The following PSG11 variants were observed in gnomAD, a reference collection of about 807,000 sequenced individuals.
PSG11 encodes the protein pregnancy specific beta-1-glycoprotein 11, also known as pregnancy-specific beta-1-glycoprotein 11.
A neutral mutation model predicts 36.0 loss-of-function variants in PSG11; 42 were observed. The observed-to-expected ratio is 1.17, with a 90% CI of 0.91 to 1.51. The LOEUF is 1.51. Ranked by LOEUF, PSG11 falls within the 40% of genes most tolerant of loss-of-function variation. The pLI is 0.00. For synonymous variants in PSG11, 206 were observed against 153.5 expected (o/e 1.34, Z -2.53); for missense variants, 558 against 403.5 (o/e 1.38, Z -3.28).
Position 43,018,957 on chromosome 19 carries a change from C to G in PSG11, c.522G>C (p.Pro174=), listed in dbSNP as rs143079058. 6.2e-7 allele frequency: 1 copy of G among 1,612,100 alleles called. No individual in the cohort carries two copies. The highest frequency in any genetic ancestry group is 1.3e-5 in the African/African-American group (1 of 74,512). ...TCATCCACCACAGGTAGCTTGCGTC[C>G]GGAGTCTCAGGATTACAGGTTAAGA... ...TVILTCNPET[P]DASYLWWMNG... Residue 174 remains proline (P), a synonymous_variant, in exon 3 of 6, where the codon CCG becomes CCC. Transcript: ENST00000320078.
At chr19:43,013,261 G>A (rs899958009) in intron 4 of PSG11, among the ~76,000 whole-genome samples, 5 of 151,126 alleles carry the variant, frequency 3.3e-5, no homozygotes, top group South Asian at 2.1e-4. Context: ...TCAATAAATC[G>A]GACTTCACAA....
chr19:43,019,134 AC>A lies in PSG11; in HGVS notation c.431-87del, dbSNP rs1170413561. 1.9e-6 allele frequency: 3 copies of A among 1,554,166 alleles called. No individual in the cohort carries two copies. In the African/African-American group the frequency reaches 4.1e-5, roughly 21 times the overall value. On this transcript the variant is annotated intron_variant, in intron 2 of 5. Transcript: ENST00000320078. ...TTTTCAATCAGAATTGGCATTTGCC[AC>A]CTCTCAGCCCACCCGAGTCCCTAAA...
intron 3 of PSG11, chr19:43,016,085 C>G (rs1190222235): frequency 6.4e-7 from 1 of 1,574,750 alleles, no homozygotes; most frequent in East Asian, 2.2e-5. Context: ...TGTGTGGCAC[C>G]TTTGATTCCT....
In PSG11 at chr19:43,013,715, G is replaced by T. The variant is rs544253382; in HGVS notation, c.964+1401C>A. On this transcript the variant is annotated intron_variant, in intron 4 of 5. Transcript: ENST00000320078. Reference sequence around the variant, plus strand: ...CAGCCACTGTAAAAATTGGTGTGCTGTTTCTCAAAAAATTAAACAATGAAT... The same window carrying T: ...CAGCCACTGTAAAAATTGGTGTGCTTTTTCTCAAAAAATTAAACAATGAAT... 2.0e-5 allele frequency among the ~76,000 whole-genome samples: 3 copies of T among 151,494 alleles called. 1 individual carries two copies. The highest frequency in any genetic ancestry group is 1.3e-4 in the Admixed American group (2 of 15,166).
chr19:43,024,283 T>A (rs1967180383), intron 2 of PSG11, among the ~76,000 whole-genome samples: 1 of 151,176 alleles, frequency 6.6e-6, no homozygotes, highest in South Asian at 2.1e-4. Flanking sequence ...GGAACAAGGA[T>A]TTAGGTACAG....
At position 43,024,742 on chromosome 19, in the gene PSG11, G is replaced by T; in HGVS notation, c.379C>A (p.Arg127=). The T allele has an allele frequency of 1.9e-6, 3 of 1,611,666 alleles. No individual in the cohort carries two copies. Among genetic ancestry groups the T allele is most frequent in the Non-Finnish European group, 2.5e-6 (3 of 1,178,926 alleles). The change falls in exon 2 of 6, where the codon CGA becomes AGA. Residue 127 remains arginine (R), a synonymous_variant. Transcript: ENST00000320078. ...GTTACTCCTCTAGTCCCATCACCTC[G>T]CTTTATGATGTGTAAGGTGTAGGAT... The part of the protein sequence containing the change: ...AGSYTLHIIK[R]GDGTRGVTGY...
At chr19:43,016,145 C>T in intron 3 of PSG11, 1 of 1,495,170 alleles carries the variant, frequency 6.7e-7, no homozygotes, top group South Asian at 1.3e-5. Context: ...CTCAGCCCAC[C>T]CGAGTCCTTG....
intron 2 of PSG11, among the ~76,000 whole-genome samples, chr19:43,020,524 A>G (rs2122819053): frequency 6.6e-6 from 1 of 151,558 alleles, no homozygotes; most frequent in Middle Eastern, 3.4e-3. Context: ...GAAACATTAA[A>G]ATGTTTTCAT....
At chr19:43,013,416 A>G (rs1013620469) in intron 4 of PSG11, among the ~76,000 whole-genome samples, 2 of 151,486 alleles carry the variant, frequency 1.3e-5, no homozygotes, top group Non-Finnish European at 2.9e-5. Flanking sequence ...ACAACAGCAG[A>G]CATCCAAAAA....
At chr19:43,008,083 T>C (rs1211008652) in intron 5 of PSG11, 41 bp from the exon 6 acceptor site, 1 of 346,670 alleles carries the variant, frequency 2.9e-6, no homozygotes, top group Non-Finnish European at 5.5e-6. Flanking sequence ...TGATTTTAAA[T>C]ACTTTGAGGA....
intron 4 of PSG11, among the ~76,000 whole-genome samples, chr19:43,012,499 A>C (rs527966388): frequency 6.6e-6 from 1 of 151,442 alleles, no homozygotes; most frequent in Non-Finnish European, 1.5e-5. Context: ...TACACTAACC[A>C]TGAACAATCT....
intron 4 of PSG11, chr19:43,014,709 T>G (rs1171044068): frequency 1.7e-6 from 2 of 1,206,422 alleles, no homozygotes; most frequent in Non-Finnish European, 2.1e-6. Flanking sequence ...GGGAAAAGTG[T>G]GAGCTTGTTT....
chr19:43,012,802 A>C lies in PSG11; in HGVS notation c.964+2314T>G, dbSNP rs368063497. On this transcript the variant is annotated intron_variant, in intron 4 of 5. Transcript: ENST00000320078. Reference sequence around the variant, plus strand: ...AAAATCTGTCCTAAAATTTATATTGAATCTCATGACTCTAAATAGACACAC... The same window carrying C: ...AAAATCTGTCCTAAAATTTATATTGCATCTCATGACTCTAAATAGACACAC... Among the ~76,000 whole-genome samples, 162 of 151,510 alleles carry C rather than the reference A, an allele frequency of 1.1e-3. 4 individuals are homozygous for C. The highest frequency in any genetic ancestry group is 3.6e-3 in the African/African-American group (149 of 41,158).
chr19:43,010,333 G>T, intron 4 of PSG11: 3 of 1,515,218 alleles, frequency 2.0e-6, no homozygotes, highest in South Asian at 1.3e-5. Context: ...ATTGGAACTT[G>T]TCACCTTTGC....
intron 3 of PSG11, 77 bp downstream of exon 3, chr19:43,018,693 G>C: frequency 3.7e-6 from 6 of 1,609,954 alleles, no homozygotes; most frequent in Non-Finnish European, 5.1e-6. Context: ...GGACCTGAGA[G>C]GGACTGAGAG....
In PSG11 at chr19:43,019,006, G is replaced by C; in HGVS notation, c.473C>G (p.Pro158Arg). Residue 158 changes from proline to arginine, a missense_variant, in exon 3 of 6, where the codon CCC becomes CGC. Pro to Arg is a moderately radical substitution (Grantham distance 103). Transcript: ENST00000320078. The stretch of plus-strand genomic sequence containing the variant: ...GATCACAGTCTCCATGGCCTCCCTG[G>C]GGTTTAAGTTGCTGCTGGAGATGGA... ...KPSISSSNLN[P>R]REAMETVILT... 6.2e-7 allele frequency: 1 copy of C among 1,611,978 alleles called. No homozygotes were observed. Among genetic ancestry groups the C allele is most frequent in the Non-Finnish European group, 8.5e-7 (1 of 1,179,106 alleles).
In PSG11 at chr19:43,015,364, G is replaced by T. The variant is rs774417123; in HGVS notation, c.716C>A (p.Pro239Gln). 1 of 1,608,924 alleles carries T rather than the reference G, an allele frequency of 6.2e-7. No homozygotes were observed. Among genetic ancestry groups the T allele is most frequent in the Non-Finnish European group, 8.5e-7 (1 of 1,177,198 alleles). The change falls in exon 4 of 6, where the codon CCA (proline) becomes CAA (glutamine). Residue 239 changes from proline to glutamine, a missense_variant. Physicochemically the swap from Pro to Gln is moderately conservative, Grantham distance 76. Transcript: ENST00000320078. The stretch of plus-strand genomic sequence containing the variant: ...TGAAGGGAAAATTCTGGGGAGGTCT[G>T]GACCATCTGGAGGAAAGAGAATAAA... ...DPVTLNLLHG[P>Q]DLPRIFPSVT...
chr19:43,023,304 C>T (rs1393651811), intron 2 of PSG11, among the ~76,000 whole-genome samples: 3 of 150,570 alleles, frequency 2.0e-5, no homozygotes, highest in Non-Finnish European at 4.4e-5. Flanking sequence ...TTTCTTCATT[C>T]CATTCCTTCA....
intron 3 of PSG11, 86 bp downstream of exon 3, chr19:43,018,684 G>A: frequency 3.1e-6 from 5 of 1,608,734 alleles, no homozygotes. Context: ...TCTGTACTTG[G>A]ACCTGAGAGG....
Sources: allele counts gnomAD v4.1 joint callset (sites outside exome capture counted in the v4.1 genomes callset), GRCh38; gene constraint gnomAD v4.1.1; transcripts MANE v1.5; gene names NCBI Gene and HGNC (gene_info 2026-07-23, HGNC 2026-07-21).